The following DPP10 variants were observed in gnomAD, a reference collection of about 807,000 sequenced individuals.
DPP10 encodes inactive dipeptidyl peptidase 10.
DPP10 carries 33 observed loss-of-function variants against 120.9 expected under a neutral mutation model. The ratio of observed to expected loss-of-function variants is 0.27; its 90% confidence interval spans 0.21 to 0.37. The LOEUF is 0.37. Ranked by LOEUF, DPP10 falls within the 10% of genes least tolerant of loss-of-function variation. The pLI is 1.00. For missense variants in DPP10, 816 were observed against 942.8 expected, an observed-to-expected ratio of 0.87 and a Z score of 1.76; for synonymous variants, 337 against 326.1, an observed-to-expected ratio of 1.03 and a Z score of -0.36.
At chr2:114,901,220 C>T (rs544218865) in intron 1 of DPP10, among the ~76,000 whole-genome samples, 21 of 152,080 alleles carry the variant, frequency 1.4e-4, no homozygotes, top group South Asian at 1.0e-3. Flanking sequence ...GTTTTTGATA[C>T]GGAGCCTGGC....
Position 115,135,838 on chromosome 2 carries a change from A to C in DPP10, c.61-173401A>C, listed in dbSNP as rs578099483. On this transcript the variant is annotated intron_variant, in intron 1 of 25. Coordinates refer to ENST00000410059, the MANE Select transcript of DPP10 (RefSeq NM_020868.6). ...TTTCTTGGCTTCCATCTTAAGGATC[A>C]AAAGCAAGTTTCCTCATGGTTTGTG... Among the ~76,000 whole-genome samples the C allele has an allele frequency of 1.3e-3, 195 of 152,286 alleles. 5 individuals are homozygous for C. The South Asian group carries it at 0.032, about 25-fold the overall frequency.
intron 1 of DPP10, among the ~76,000 whole-genome samples, chr2:114,546,723 A>C (rs1323451429): frequency 6.6e-6 from 1 of 152,214 alleles, no homozygotes; most frequent in East Asian, 1.9e-4. Flanking sequence ...CTAGGTGTGC[A>C]CACTTAATTG....
intron 1 of DPP10, among the ~76,000 whole-genome samples, chr2:114,454,582 C>A (rs1462192458): frequency 6.6e-6 from 1 of 152,192 alleles, no homozygotes; most frequent in Non-Finnish European, 1.5e-5. Flanking sequence ...TTTTAAGCCT[C>A]TCAATTGAAG....
In DPP10 at chr2:115,488,050, C is replaced by T. The variant is rs1334341374; in HGVS notation, c.272-11460C>T. Among the ~76,000 whole-genome samples, 4 of 5,740 alleles carry T rather than the reference C, an allele frequency of 7.0e-4. 1 individual carries two copies. Among genetic ancestry groups the T allele is most frequent in the African/African-American group, 7.6e-4 (4 of 5,238 alleles). The allele number at this position is 5,740 out of a possible 152,430, so 3.8% of individuals were successfully genotyped here. On this transcript the variant is annotated intron_variant, in intron 3 of 25. Transcript: ENST00000410059. ...ATTTACAAGAAAAAAACAAACAACCCCATCAAAAAGTGGGTGAAGGACATG... is the reference window on the plus strand; with the variant it reads ...ATTTACAAGAAAAAAACAAACAACCTCATCAAAAAGTGGGTGAAGGACATG...
chr2:114,771,176 A>G (rs950736238), intron 1 of DPP10, among the ~76,000 whole-genome samples: 1 of 152,196 alleles, frequency 6.6e-6, no homozygotes, highest in Non-Finnish European at 1.5e-5. Context: ...ATTTGGCTGT[A>G]TGCATTTTAT....
intron 5 of DPP10, among the ~76,000 whole-genome samples, chr2:115,590,673 G>T (rs111604970): frequency 6.6e-6 from 1 of 152,162 alleles, no homozygotes; most frequent in South Asian, 2.1e-4. Context: ...AGTCCTTTGG[G>T]TATATACCCA....
intron 1 of DPP10, among the ~76,000 whole-genome samples, chr2:115,083,846 C>T (rs112818834): frequency 6.6e-6 from 1 of 152,186 alleles, no homozygotes; most frequent in Non-Finnish European, 1.5e-5. Flanking sequence ...TAGCTTTAAA[C>T]CTGAAATCTG....
chr2:115,156,694 T>G (rs1219555614), intron 1 of DPP10, among the ~76,000 whole-genome samples: 1 of 152,220 alleles, frequency 6.6e-6, no homozygotes, highest in East Asian at 1.9e-4. Context: ...AAGATTATTT[T>G]GAATCATTAG....
intron 1 of DPP10, among the ~76,000 whole-genome samples, chr2:115,144,534 G>A (rs2051114181): frequency 6.6e-6 from 1 of 151,678 alleles, no homozygotes; most frequent in South Asian, 2.1e-4. Context: ...AAATTAGGCA[G>A]GGTTTTAAAT....
At chr2:115,606,279 C>A (rs1180351786) in intron 5 of DPP10, among the ~76,000 whole-genome samples, 2 of 151,916 alleles carry the variant, frequency 1.3e-5, no homozygotes, top group Non-Finnish European at 2.9e-5. Flanking sequence ...AAGCATTAGA[C>A]CTTTATTTCT....
At chr2:114,751,555 T>C (rs1400168825) in intron 1 of DPP10, among the ~76,000 whole-genome samples, 2 of 152,182 alleles carry the variant, frequency 1.3e-5, no homozygotes, top group Non-Finnish European at 2.9e-5. Flanking sequence ...CTAGCGAAGC[T>C]ACATGTAGTG....
chr2:114,614,395 T>C (rs577654363), intron 1 of DPP10, among the ~76,000 whole-genome samples: 35 of 152,326 alleles, frequency 2.3e-4, no homozygotes, highest in South Asian at 4.1e-4. Context: ...TTCCTAATGC[T>C]TGGTCTTTCT....
intron 1 of DPP10, among the ~76,000 whole-genome samples, chr2:115,095,119 A>C (rs1473395063): frequency 6.6e-6 from 1 of 152,224 alleles, no homozygotes; most frequent in Non-Finnish European, 1.5e-5. Flanking sequence ...GATGGATTGA[A>C]ATCAATTTCT....
intron 1 of DPP10, among the ~76,000 whole-genome samples, chr2:114,445,672 G>C (rs1358579075): frequency 1.3e-5 from 2 of 152,080 alleles, no homozygotes; most frequent in East Asian, 3.9e-4. Flanking sequence ...TGGCCATGAT[G>C]TGTCAGAGTT....
intron 7 of DPP10, among the ~76,000 whole-genome samples, chr2:115,693,786 A>C (rs149299233): frequency 5.9e-5 from 9 of 152,256 alleles, no homozygotes; most frequent in Non-Finnish European, 1.2e-4. Flanking sequence ...CTAGCTGTTG[A>C]TCTTGAGAAC....
At chr2:115,229,260 G>A (rs1364746510) in intron 1 of DPP10, among the ~76,000 whole-genome samples, 1 of 151,998 alleles carries the variant, frequency 6.6e-6, no homozygotes, top group Non-Finnish European at 1.5e-5. Context: ...AGCTCCTTAT[G>A]TAATCTGGTT....
At chr2:115,651,231 A>G (rs953171985) in intron 5 of DPP10, among the ~76,000 whole-genome samples, 1 of 152,206 alleles carries the variant, frequency 6.6e-6, no homozygotes. Context: ...AGAACAAACA[A>G]AATAAAATAG....
At chr2:115,531,397 A>G (rs911215876) in intron 5 of DPP10, among the ~76,000 whole-genome samples, 1 of 152,116 alleles carries the variant, frequency 6.6e-6, no homozygotes, top group Non-Finnish European at 1.5e-5. Flanking sequence ...AGAGCTACGC[A>G]GCCAGAATCT....
chr2:115,225,432 GTTC>G (rs1488770983), intron 1 of DPP10, among the ~76,000 whole-genome samples: 5 of 152,002 alleles, frequency 3.3e-5, no homozygotes, highest in African/African-American at 1.2e-4. Flanking sequence ...CTATGAGTGT[GTTC>G]TTTTTTTTTC....
Sources: allele counts gnomAD v4.1 joint callset (sites outside exome capture counted in the v4.1 genomes callset), GRCh38; gene constraint gnomAD v4.1.1; transcripts MANE v1.5; gene names NCBI Gene and HGNC (gene_info 2026-07-23, HGNC 2026-07-21).